ZFHX3: variants seen among roughly 807,000 people sequenced by gnomAD.
The protein encoded by ZFHX3 is zinc finger homeobox 3.
In ZFHX3, 42 loss-of-function variants were observed where a neutral mutation model predicts 279.1. The ratio of observed to expected loss-of-function variants is 0.15; its 90% CI spans 0.12 to 0.19. The LOEUF (loss-of-function observed/expected upper bound fraction) is 0.19. Ranked by LOEUF, ZFHX3 falls within the 10% of genes least tolerant of loss-of-function variation. The pLI, the probability that ZFHX3 is intolerant of heterozygous loss-of-function variation, is 1.00. For synonymous variants in ZFHX3, 2,293 were observed against 1,957.8 expected (o/e 1.17, Z -4.52); for missense variants, 4,981 against 4,754.0 (o/e 1.05, Z -1.40).
At chr16:72,953,990 C>T (rs535456023) in intron 2 of ZFHX3, among the ~76,000 whole-genome samples, 1 of 152,330 alleles carries the variant, frequency 6.6e-6, no homozygotes, top group South Asian at 2.1e-4. Context: ...AAGCCCAGGG[C>T]TTAGAATCCT....
In ZFHX3 at chr16:72,959,938, G is replaced by T. The variant is rs1373994234; in HGVS notation, c.208C>A (p.Pro70Thr). The change falls in exon 2 of 10, where the codon CCC (proline) becomes ACC (threonine). Residue 70 changes from proline to threonine, a missense_variant. Transcript: ENST00000268489. The stretch of plus-strand genomic sequence containing the variant: ...TCCTTGCTGGCGGGCTCGGAGGGGG[G>T]CCCGGCCGACGCGGTGCTCTCCGCG... ...RLAESTASAG[P>T]PSEPASKEVT... 1.2e-6 allele frequency: 2 copies of T among 1,600,132 alleles called. No homozygotes were observed. Among genetic ancestry groups the T allele is most frequent in the African/African-American group, 1.3e-5 (1 of 74,686 alleles).
intron 2 of ZFHX3, among the ~76,000 whole-genome samples, chr16:73,601,828 A>G (rs1052438763): frequency 3.3e-5 from 5 of 152,240 alleles, no homozygotes; most frequent in Non-Finnish European, 7.3e-5. Context: ...TGCTTAGAAT[A>G]ACATTTAGGA....
chr16:73,801,593 A>G (rs540079052), intron 1 of ZFHX3, among the ~76,000 whole-genome samples: 2 of 152,316 alleles, frequency 1.3e-5, no homozygotes, highest in South Asian at 4.1e-4. Flanking sequence ...ATATCACTTC[A>G]TTTCCCTGTG....
chr16:73,778,374 G>A (rs886623495), intron 1 of ZFHX3, among the ~76,000 whole-genome samples: 3 of 151,598 alleles, frequency 2.0e-5, no homozygotes, highest in Non-Finnish European at 2.9e-5. Context: ...AAATTGCTCT[G>A]TGAGATTTCA....
intron 7 of ZFHX3, among the ~76,000 whole-genome samples, chr16:73,105,207 A>G (rs1966279898): frequency 6.7e-6 from 1 of 148,644 alleles, no homozygotes; most frequent in Admixed American, 6.7e-5. Flanking sequence ...AGAGCTCAAG[A>G]CCAGCCTGGG....
Position 72,788,758 on chromosome 16 carries a change from G to T in ZFHX3, c.9518C>A (p.Pro3173Gln). The T allele has an allele frequency of 6.4e-7, 1 of 1,570,510 alleles. No individual in the cohort carries two copies. The highest frequency in any genetic ancestry group is 8.6e-7 in the Non-Finnish European group (1 of 1,159,782). The change falls in exon 10 of 10, where the codon CCG (proline) becomes CAG (glutamine). Residue 3173 changes from proline (P) to glutamine (Q), a missense_variant. By Grantham distance (76) the Pro-to-Gln change is moderately conservative (BLOSUM62 -1). This residue lies in a region of ZFHX3 where 1,034 missense variants were observed against 786.0 expected (regional missense o/e 1.32). Coordinates refer to ENST00000268489, the MANE Select transcript of ZFHX3 (RefSeq NM_006885.4). ...GLPTSGLPNK[P>Q]SSASLSSPTP... ...TGGGGAGCTCAGCGACGCTGAGGAC[G>T]GTTTATTTGGTAATCCAGAAGTGGG...
At chr16:73,172,009 G>T (rs1967537834) in intron 5 of ZFHX3, among the ~76,000 whole-genome samples, 2 of 152,126 alleles carry the variant, frequency 1.3e-5, no homozygotes, top group South Asian at 4.1e-4. Flanking sequence ...ATTCCCTTTT[G>T]GGTCCGCCAG....
intron 4 of ZFHX3, among the ~76,000 whole-genome samples, chr16:72,848,071 G>C (rs1310473916): frequency 6.6e-6 from 1 of 152,166 alleles, no homozygotes; most frequent in African/African-American, 2.4e-5. Context: ...CACCAAAAAA[G>C]GCAACTGTAA....
At chr16:73,746,919 A>G (rs1169335871) in intron 1 of ZFHX3, among the ~76,000 whole-genome samples, 1 of 152,206 alleles carries the variant, frequency 6.6e-6, no homozygotes, top group Non-Finnish European at 1.5e-5. Context: ...TGTGTTTTAG[A>G]TTATCAACAT....
At chr16:73,189,988 G>C (rs2144887520) in intron 5 of ZFHX3, among the ~76,000 whole-genome samples, 1 of 152,254 alleles carries the variant, frequency 6.6e-6, no homozygotes, top group East Asian at 1.9e-4. Context: ...TTGAGAAATG[G>C]AGGTGATGTT....
At chr16:73,653,590 T>C (rs1426015027) in intron 2 of ZFHX3, among the ~76,000 whole-genome samples, 1 of 151,964 alleles carries the variant, frequency 6.6e-6, no homozygotes, top group East Asian at 1.9e-4. Flanking sequence ...ACTAAAGCAA[T>C]ACAAATTTAT....
chr16:73,600,221 A>G (rs2052097287), intron 2 of ZFHX3, among the ~76,000 whole-genome samples: 1 of 152,146 alleles, frequency 6.6e-6, no homozygotes, highest in Non-Finnish European at 1.5e-5. Flanking sequence ...TCCAGAATGG[A>G]CTGTTTCTAA....
intron 2 of ZFHX3, among the ~76,000 whole-genome samples, chr16:73,505,733 A>C (rs2019316236): frequency 1.3e-5 from 2 of 151,978 alleles, no homozygotes. Flanking sequence ...CTCTCACTTT[A>C]CTCCCAGCAG....
At chr16:73,269,359 C>G (rs1050533682) in intron 4 of ZFHX3, among the ~76,000 whole-genome samples, 1 of 152,204 alleles carries the variant, frequency 6.6e-6, no homozygotes, top group African/African-American at 2.4e-5. Context: ...CAGGAATCTA[C>G]TGATCTAATT....
intron 1 of ZFHX3, among the ~76,000 whole-genome samples, chr16:72,994,169 C>T (rs1008055718): frequency 6.6e-6 from 1 of 152,166 alleles, no homozygotes; most frequent in Non-Finnish European, 1.5e-5. Flanking sequence ...TTATAAGGGA[C>T]CTTATCAAAA....
At chr16:72,889,130 C>T (rs2038704180) in intron 4 of ZFHX3, among the ~76,000 whole-genome samples, 1 of 152,060 alleles carries the variant, frequency 6.6e-6, no homozygotes, top group African/African-American at 2.4e-5. Flanking sequence ...ACGAGGCAAG[C>T]TCCCACTAGC....
intron 7 of ZFHX3, among the ~76,000 whole-genome samples, chr16:73,097,814 A>C (rs2144784803): frequency 6.6e-6 from 1 of 152,340 alleles, no homozygotes; most frequent in East Asian, 1.9e-4. Flanking sequence ...CATTTCACAT[A>C]AATGGCGCTG....
chr16:73,185,256 G>A (rs1428715037), intron 5 of ZFHX3, among the ~76,000 whole-genome samples: 2 of 152,152 alleles, frequency 1.3e-5, no homozygotes, highest in Non-Finnish European at 2.9e-5. Flanking sequence ...ACTATGTGCC[G>A]GGAAGTGGGT....
intron 2 of ZFHX3, among the ~76,000 whole-genome samples, chr16:73,640,645 A>T (rs977388564): frequency 6.6e-6 from 1 of 152,188 alleles, no homozygotes; most frequent in African/African-American, 2.4e-5. Flanking sequence ...AAGTTTCCCT[A>T]AAAGTACAAT....
Sources: gnomAD v4.1 joint callset for allele counts (sites outside exome capture counted in the v4.1 genomes callset) on GRCh38, gnomAD v4.1.1 for gene constraint, gnomAD v4.1.1 regional missense constraint, MANE v1.5 for transcripts, NCBI Gene and HGNC (gene_info 2026-07-23, HGNC 2026-07-21) for gene names.